ZNF841: variants seen among roughly 807,000 people sequenced by gnomAD.
The protein encoded by ZNF841 is zinc finger protein 841.
In ZNF841, 11 loss-of-function variants were observed where a neutral mutation model predicts 13.0. The observed-to-expected ratio is 0.85, with a 90% confidence interval of 0.53 to 1.40. The LOEUF is 1.40. Among genes scored for constraint, ZNF841 ranks in the 40% most tolerant of loss-of-function variants. The probability of loss-of-function intolerance (pLI) is 0.00; values close to 1 mark genes in which losing one functional copy is unlikely to be tolerated. For missense variants in ZNF841, 1,068 were observed against 1,139.5 expected (o/e 0.94, Z 0.90); for synonymous variants, 369 against 381.6 (o/e 0.97, Z 0.38).
intron 6 of ZNF841, among the ~76,000 whole-genome samples, chr19:52,068,268 C>T (rs2087642631): frequency 6.6e-6 from 1 of 152,162 alleles, no homozygotes; most frequent in Admixed American, 6.5e-5. Context: ...TGTCTATGGC[C>T]ATACCACCGT....
In ZNF841 at chr19:52,084,675, C is replaced by T. The variant is rs149907187; in HGVS notation, c.15+112G>A. ...GACTGAAGGAAGGCATGGGTGAGTG[C>T]GAGCAAATGTGTCAGGCAGGATACT... is the stretch of plus-strand genomic sequence containing the variant. On this transcript the variant is annotated intron_variant, in intron 4 of 6. Coordinates refer to ENST00000594440, the MANE Select transcript of ZNF841 (RefSeq NM_001136499.2). 5.7e-3 allele frequency: 6,825 copies of T among 1,204,024 alleles called. 42 individuals carry two copies. The highest frequency in any genetic ancestry group is 0.015 in the Middle Eastern group (78 of 5,166). The allele number at this position is 1,204,024 out of a possible 1,614,324, so 74.6% of individuals were successfully genotyped here.
chr19:52,077,202 TA>T, intron 4 of ZNF841, 118 bp from the exon 5 acceptor site: 1 of 1,173,380 alleles, frequency 8.5e-7, no homozygotes, highest in Non-Finnish European at 1.2e-6. Flanking sequence ...ACATATCCAT[TA>T]AAAGTATCTG....
downstream of ZNF841, chr19:52,064,352 C>CAAAAAAAAAAAAAAAAAAAAA (rs1568532352): frequency 4.1e-5 from 2 of 48,978 alleles, no homozygotes; most frequent in East Asian, 6.0e-4. Context: ...GACTCCGTCT[C>CAAAAAAAAAAAAAAAAAAAAA]CAAAAAAAAA....
intron 6 of ZNF841, among the ~76,000 whole-genome samples, chr19:52,069,456 G>A (rs1350629122): frequency 6.6e-6 from 1 of 152,120 alleles, no homozygotes; most frequent in African/African-American, 2.4e-5. Flanking sequence ...TGCATGAACT[G>A]AGATAAAAGA....
the ZNF841 span, among the ~76,000 whole-genome samples, chr19:52,059,390 T>TATATATATACAC: frequency 5.5e-4 from 53 of 96,328 alleles, no homozygotes; most frequent in Admixed American, 1.4e-3. Context: ...TATATATATA[T>TATATATATACAC]ACACACACAC....
At chr19:52,082,656 G>C (rs1314283523) in intron 4 of ZNF841, among the ~76,000 whole-genome samples, 1 of 152,150 alleles carries the variant, frequency 6.6e-6, no homozygotes, top group Non-Finnish European at 1.5e-5. Context: ...GGTGAAGACA[G>C]CATGCACAGA....
At chr19:52,061,460 G>A (rs2163820), downstream of ZNF841, among the ~76,000 whole-genome samples, 145,392 of 152,168 alleles carry the variant, frequency 0.96, 69,533 homozygotes, top group East Asian at 1. Context: ...CCAAAACCTA[G>A]CAATCTGTCA....
intron 3 of ZNF841, among the ~76,000 whole-genome samples, chr19:52,086,316 G>A (rs1472398851): frequency 1.3e-5 from 2 of 152,184 alleles, no homozygotes; most frequent in Non-Finnish European, 2.9e-5. Flanking sequence ...ACCCCTTGGT[G>A]CTGTTCTTAT....
In ZNF841 at chr19:52,065,895, T is replaced by G. The variant is rs2087538369; in HGVS notation, c.1987A>C (p.Thr663Pro). 3 of 1,614,168 alleles carry G rather than the reference T, an allele frequency of 1.9e-6. No individual in the cohort carries two copies. Among genetic ancestry groups the G allele is most frequent in the Non-Finnish European group, 2.5e-6 (3 of 1,180,018 alleles). Residue 663 changes from threonine to proline, a missense_variant, in exon 7 of 7, where the codon ACT (threonine) becomes CCT (proline). Coordinates refer to ENST00000594440, the MANE Select transcript of ZNF841 (RefSeq NM_001136499.2). ...YKCNDCGKAY[T>P]QRSSLTKHLV... The stretch of plus-strand genomic sequence containing the variant: ...TGTTTAGTGAGGCTTGAACGCTGAG[T>G]ATAGGCTTTGCCACAATCATTACAT...
chr19:52,059,370 A>AAAATAT, the ZNF841 span, among the ~76,000 whole-genome samples: 12 of 69,650 alleles, frequency 1.7e-4, no homozygotes, highest in African/African-American at 8.2e-4. Context: ...AAAAAAAAAA[A>AAAATAT]ATATATATAT....
Position 52,077,039 on chromosome 19 carries a change from C to G in ZNF841, c.61G>C (p.Glu21Gln). The G allele has an allele frequency of 6.2e-7, 1 of 1,613,174 alleles. No homozygotes were observed. The highest frequency in any genetic ancestry group is 8.5e-7 in the Non-Finnish European group (1 of 1,179,444). ...RDVAVEFSQE[E>Q]WKCLDPVQKA... ...TGAACAGGGTCCAGGCATTTCCACT[C>G]CTCCTGAGAGAATTCTACAGCCACA... Residue 21 changes from glutamate to glutamine, a missense_variant, in exon 5 of 7, where the codon GAG becomes CAG. Transcript: ENST00000594440.
At chr19:52,079,465 T>C (rs2088022683) in intron 4 of ZNF841, among the ~76,000 whole-genome samples, 1 of 146,152 alleles carries the variant, frequency 6.8e-6, no homozygotes, top group African/African-American at 2.5e-5. Context: ...CCAAAAACTG[T>C]TAAGGAAAAA....
Position 52,067,198 on chromosome 19 carries a change from A to T in ZNF841, c.684T>A (p.Pro228=), listed in dbSNP as rs1039801144. 10 of 1,550,638 alleles carry T rather than the reference A, an allele frequency of 6.4e-6. No individual in the cohort carries two copies. In the African/African-American group the frequency reaches 1.4e-4, roughly 21 times the overall value. The change falls in exon 7 of 7, where the codon CCT becomes CCA. Residue 228 remains proline (P), a synonymous_variant. Transcript: ENST00000594440. ...TCCTAGAAATGTTGGTTTGGACACC[A>T]GGAAAAATTCTTTGAAGTGGTGAAG... The part of the protein sequence containing the change: ...FLASPLQRIF[P]GVQTNISRKY...
downstream of ZNF841, among the ~76,000 whole-genome samples, chr19:52,061,319 A>G (rs73934739): frequency 8.0e-3 from 1,221 of 152,224 alleles, 21 homozygotes; most frequent in African/African-American, 0.028. Context: ...CCCATTATGA[A>G]CTGCCCAGCC....
chr19:52,080,536 A>G (rs907389044), intron 4 of ZNF841, among the ~76,000 whole-genome samples: 2 of 152,210 alleles, frequency 1.3e-5, no homozygotes, highest in Admixed American at 6.5e-5. Flanking sequence ...CAGATGACCA[A>G]CTGATGGGCT....
At chr19:52,076,657 A>AG (rs2087911038) in intron 5 of ZNF841, among the ~76,000 whole-genome samples, 1 of 151,866 alleles carries the variant, frequency 6.6e-6, no homozygotes, top group Admixed American at 6.6e-5. Flanking sequence ...TGTCAAAAAA[A>AG]AAAAAAAAAA....
rs1568549810 is a variant in ZNF841, at chr19:52,090,711, A to AAG, written c.-143-1711_-143-1710dup. Among the ~76,000 whole-genome samples the AAG allele has an allele frequency of 2.9e-3, 409 of 139,602 alleles. 7 individuals are homozygous for AAG. Among genetic ancestry groups the AAG allele is most frequent in the Admixed American group, 0.028 (364 of 13,116 alleles). 91.6% of individuals were successfully genotyped at this position (139,602 alleles called of 152,430 possible). A position where few individuals can be genotyped will look rare whatever the true frequency, so the allele number is the denominator to read the frequency against. On this transcript the variant is annotated intron_variant, in intron 2 of 6. Coordinates refer to ENST00000594440, the MANE Select transcript of ZNF841 (RefSeq NM_001136499.2). ...AGAAAGAAAGAAAGAAAGAAAGAGA[A>AAG]AGAAAGAAAGAAAAAAGAAAGGACT... is the stretch of plus-strand genomic sequence containing the variant.
chr19:52,065,223 T>C lies in ZNF841; in HGVS notation c.2659A>G (p.Ile887Val), dbSNP rs776153703. ...TGTTTAGTGAGGCCTGAGCGACTAA[T>C]GTAAGATTTGCCACACTCATTACAT... is the stretch of plus-strand genomic sequence containing the variant. ...YKCNECGKSY[I>V]SRSGLTKHQI... The change falls in exon 7 of 7, where the codon ATT becomes GTT. Residue 887 changes from isoleucine (I) to valine (V), a missense_variant. Transcript: ENST00000594440. 3.7e-6 allele frequency: 6 copies of C among 1,612,482 alleles called. No individual in the cohort carries two copies. The highest frequency in any genetic ancestry group is 1.3e-5 in the African/African-American group (1 of 74,624).
chr19:52,080,163 G>A (rs1339712181), intron 4 of ZNF841, among the ~76,000 whole-genome samples: 1 of 152,042 alleles, frequency 6.6e-6, no homozygotes. Flanking sequence ...TATATACCAT[G>A]GCACTTAAGT....
Sources: gnomAD v4.1 joint callset for allele counts (sites outside exome capture counted in the v4.1 genomes callset) on GRCh38, gnomAD v4.1.1 for gene constraint, MANE v1.5 for transcripts, NCBI Gene and HGNC (gene_info 2026-07-23, HGNC 2026-07-21) for gene names.